The following MFSD12 variants were observed in gnomAD, a reference collection of about 807,000 sequenced individuals.
The protein encoded by MFSD12 is major facilitator superfamily domain containing 12, also known as major facilitator superfamily domain-containing protein 12.
A neutral mutation model predicts 51.2 loss-of-function variants in MFSD12; 67 were observed. That is an observed-to-expected ratio of 1.31 (90% CI 1.08 to 1.60). The LOEUF (loss-of-function observed/expected upper bound fraction) is 1.60. MFSD12 is among the 40% of genes most tolerant of loss of function. MFSD12 has a pLI of 0.00. For synonymous variants in MFSD12, 441 were observed against 316.7 expected (o/e 1.39, Z -4.17); for missense variants, 921 against 673.0 (o/e 1.37, Z -4.08).
At chr19:3,540,316 G>A (rs2030271141), downstream of MFSD12, among the ~76,000 whole-genome samples, 1 of 150,944 alleles carries the variant, frequency 6.6e-6, no homozygotes, top group Non-Finnish European at 1.5e-5. Context: ...GGAACGCAAT[G>A]GTGCAATCTT....
chr19:3,554,506 A>C (rs1029502130), intron 1 of MFSD12, among the ~76,000 whole-genome samples: 2 of 151,706 alleles, frequency 1.3e-5, no homozygotes, highest in African/African-American at 4.8e-5. Flanking sequence ...GTGAGGATAG[A>C]GTTCATGTGT....
downstream of MFSD12, among the ~76,000 whole-genome samples, chr19:3,540,669 C>T (rs1043134603): frequency 9.6e-5 from 14 of 145,888 alleles, no homozygotes; most frequent in African/African-American, 3.6e-4. Context: ...CACCTGAAGT[C>T]AGGAGTTCGA....
At chr19:3,552,264 T>C (rs2031514922) in intron 1 of MFSD12, among the ~76,000 whole-genome samples, 1 of 149,638 alleles carries the variant, frequency 6.7e-6, no homozygotes, top group Non-Finnish European at 1.5e-5. Flanking sequence ...GCCCCCTGGA[T>C]TCAAGCCATT....
chr19:3,538,415 T>TGTCCCCATTATGTCACCTAGTCACCCCC (rs1599801390), exon 5 of MFSD12: 1 of 304,744 alleles, frequency 3.3e-6, no homozygotes, highest in East Asian at 9.3e-5. Context: ...AAGGCAGCCC[T>TGTCCCCATTATGTCACCTAGTCACCCCC]GTCCCCATTA....
At chr19:3,548,850 C>T (rs1427916882) in intron 2 of MFSD12, among the ~76,000 whole-genome samples, 6 of 152,206 alleles carry the variant, frequency 3.9e-5, no homozygotes, top group Non-Finnish European at 8.8e-5. Flanking sequence ...CCCTCAGGGG[C>T]CCTGGGCATT....
downstream of MFSD12, chr19:3,543,813 C>CGAGTCCCACCTACAGTGCTCA: frequency 6.6e-7 from 1 of 1,508,328 alleles, no homozygotes; most frequent in Non-Finnish European, 8.9e-7. Context: ...CATGGTGACC[C>CGAGTCCCACCTACAGTGCTCA]GAGTCCCACC....
downstream of MFSD12, chr19:3,544,170 GC>G (rs370712646): frequency 1.2e-5 from 17 of 1,369,782 alleles, no homozygotes; most frequent in Admixed American, 3.4e-5. Flanking sequence ...CCTGCCCAGA[GC>G]CCCCCCGCAG....
intron 8 of MFSD12, among the ~76,000 whole-genome samples, chr19:3,545,204 C>T (rs1270893594): frequency 6.6e-6 from 1 of 152,212 alleles, no homozygotes; most frequent in East Asian, 1.9e-4. Flanking sequence ...CCGCCTGCAC[C>T]CGCCCCGGTC....
At chr19:3,544,759 TAGAGAGTGTGGGTCAGTGTCTGGGG>T (rs956952034) in intron 9 of MFSD12, 25 bp downstream of exon 9, 1 of 1,600,984 alleles carries the variant, frequency 6.2e-7, no homozygotes, top group Non-Finnish European at 8.5e-7. Flanking sequence ...GAAATGGCAT[TAGAGAGTGTGGGTCAGTGTCTGGGG>T]AGGGAGGGGT....
In MFSD12 at chr19:3,546,431, G is replaced by A. The variant is rs1280267528; in HGVS notation, c.1024-6C>T. 8 of 1,601,472 alleles carry A rather than the reference G, an allele frequency of 5.0e-6. No homozygotes were observed. The highest frequency in any genetic ancestry group is 5.1e-6 in the Non-Finnish European group (6 of 1,174,984). ...AGGCCTGAGAAGTAGGTCATCTGCA[G>A]GGACAGCCCCGGGGTCAGGCCCACA... On this transcript the variant is annotated splice_region_variant and splice_polypyrimidine_tract_variant and intron_variant, in intron 6 of 9. Transcript: ENST00000355415.
rs1289776682 is a variant in MFSD12 at position 3,544,473 on chromosome 19, G to A, written c.*237C>T. ...GAGGGGCACCCCAAATCCTCCAGAG[G>A]GCTGGGATGGATTAGAGTTGAGAAT... On this transcript the variant is annotated 3_prime_UTR_variant, in exon 10 of 10. Transcript: ENST00000355415. 1.2e-5 allele frequency: 16 copies of A among 1,375,294 alleles called. No homozygotes were observed. The highest frequency in any genetic ancestry group is 2.7e-4 in the Middle Eastern group (1 of 3,716). 85.2% of individuals were successfully genotyped at this position (1,375,294 alleles called of 1,614,324 possible).
rs539109459 is a variant in MFSD12, at chr19:3,546,279, C to G, written c.1170G>C (p.Thr390=). 1 of 1,610,776 alleles carries G rather than the reference C, an allele frequency of 6.2e-7. No individual in the cohort carries two copies. The highest frequency in any genetic ancestry group is 1.1e-5 in the South Asian group (1 of 90,802). ...ATILVTSLAM[T]ADLIGPHTNS... Reference sequence around the variant, plus strand: ...CCGTGTGGGGACCGATGAGGTCGGCCGTCATGGCCAGCGAGGTGACGAGGA... The same window carrying G: ...CCGTGTGGGGACCGATGAGGTCGGCGGTCATGGCCAGCGAGGTGACGAGGA... The change falls in exon 7 of 10, where the codon ACG becomes ACC. Residue 390 remains threonine, a synonymous_variant. Transcript: ENST00000355415.
At chr19:3,547,771 C>T (rs1322613498) in intron 4 of MFSD12, 77 bp downstream of exon 4, 35 of 1,436,804 alleles carry the variant, frequency 2.4e-5, no homozygotes, top group Middle Eastern at 4.9e-4. Flanking sequence ...TGCGTCTGGA[C>T]GCAGCTGCCC....
At chr19:3,539,512 C>A (rs1217715237), downstream of MFSD12, 12 of 504,392 alleles carry the variant, frequency 2.4e-5, no homozygotes, top group Admixed American at 2.6e-4. Flanking sequence ...TGCAAACGCA[C>A]TGGGAGCTTC....
At chr19:3,556,959 G>A (rs1015880110) in intron 1 of MFSD12, 147 bp downstream of exon 1, 1 of 770,878 alleles carries the variant, frequency 1.3e-6, no homozygotes, top group Non-Finnish European at 1.9e-6. Context: ...ACAGTGCAGG[G>A]AAGCTCGGGC....
chr19:3,546,027 C>T (rs1288867006), intron 8 of MFSD12, 47 bp downstream of exon 8: 7 of 1,593,314 alleles, frequency 4.4e-6, no homozygotes, highest in South Asian at 2.2e-5. Flanking sequence ...GGCGCTTAAT[C>T]CCCTCTTACT....
chr19:3,543,279 TCAGGCAG>T, downstream of MFSD12: 2 of 1,547,960 alleles, frequency 1.3e-6, no homozygotes, highest in African/African-American at 2.7e-5. Flanking sequence ...CCACCAGCCA[TCAGGCAG>T]GCCACACGCT....
chr19:3,539,122 C>A, intron 4 of MFSD12: 4 of 1,233,840 alleles, frequency 3.2e-6, no homozygotes, highest in South Asian at 1.3e-5. Context: ...GGCCTTTATG[C>A]TGTCAACGGT....
In MFSD12 at chr19:3,544,364, G is replaced by A. The variant is rs866916334; in HGVS notation, c.*346C>T. ...GGCAGTGTCTGGAGACCCCCAGGCTGGAGGTGAGGGGTGAACTGGACTGAG... is the reference window on the plus strand; with the variant it reads ...GGCAGTGTCTGGAGACCCCCAGGCTAGAGGTGAGGGGTGAACTGGACTGAG... On this transcript the variant is annotated 3_prime_UTR_variant, in exon 10 of 10. Transcript: ENST00000355415. 7.0e-6 allele frequency: 9 copies of A among 1,276,946 alleles called. No homozygotes were observed. The African/African-American group carries it at 9.1e-5, about 13-fold the overall frequency. The allele number at this position is 1,276,946 out of a possible 1,614,324, so 79.1% of individuals were successfully genotyped here.
Sources: gnomAD v4.1 joint callset for allele counts (sites outside exome capture counted in the v4.1 genomes callset) on GRCh38, gnomAD v4.1.1 for gene constraint, MANE v1.5 for transcripts, NCBI Gene and HGNC (gene_info 2026-07-23, HGNC 2026-07-21) for gene names.